The following PDPN variants were observed in gnomAD, a reference collection of about 807,000 sequenced individuals.
PDPN encodes the protein podoplanin, also known as PA2.26 antigen.
Under a neutral mutation model 23.2 loss-of-function variants are expected in PDPN, and 12 were observed. The observed-to-expected ratio is 0.52, with a 90% CI of 0.33 to 0.84. The LOEUF is 0.84. PDPN is among the 40% of genes least tolerant of loss of function. The pLI is 0.02. For missense variants in PDPN, 199 were observed against 212.2 expected, an observed-to-expected ratio of 0.94 and a Z score of 0.39; for synonymous variants, 77 against 76.7, an observed-to-expected ratio of 1.00 and a Z score of -0.02.
intron 3 of PDPN, 52 bp from the exon 4 acceptor site, chr1:13,613,635 T>C (rs543746016): frequency 2.3e-6 from 2 of 886,718 alleles, no homozygotes; most frequent in Non-Finnish European, 3.7e-6. Context: ...GTTGTTAAAT[T>C]ATAGTTATTA....
intron 1 of PDPN, among the ~76,000 whole-genome samples, chr1:13,586,098 G>A (rs536380044): frequency 2.7e-4 from 41 of 152,106 alleles, no homozygotes; most frequent in Admixed American, 7.2e-4. Flanking sequence ...CTTTCATCAG[G>A]AAGGCACGTT....
At position 13,617,910 on chromosome 1, in the gene PDPN, C is replaced by G. The variant is rs981022226; in HGVS notation, c.*1999C>G. On this transcript the variant is annotated 3_prime_UTR_variant, in exon 6 of 6. Transcript: ENST00000621990. ...TCTTGGTCACACCTGTGTTGGTGCT[C>G]AATGCAGTGTAGACATGTTTTCAAA... 2.0e-5 allele frequency: 3 copies of G among 152,076 alleles called. No individual in the cohort carries two copies. Among genetic ancestry groups the G allele is most frequent in the Admixed American group, 2.0e-4 (3 of 15,268 alleles). 9.4% of individuals were successfully genotyped at this position (152,076 alleles called of 1,614,324 possible). A position where few individuals can be genotyped will look rare whatever the true frequency, so the allele number is the denominator to read the frequency against.
chr1:13,588,611 CATATATA>C (rs905957287), intron 1 of PDPN, among the ~76,000 whole-genome samples: 8 of 146,242 alleles, frequency 5.5e-5, no homozygotes, highest in South Asian at 2.1e-4. Flanking sequence ...TATATATTTA[CATATATA>C]ATATATAATA....
intron 1 of PDPN, among the ~76,000 whole-genome samples, chr1:13,586,673 A>G (rs1640186758): frequency 6.6e-6 from 1 of 151,774 alleles, no homozygotes; most frequent in South Asian, 2.1e-4. Context: ...TGTAAATTAC[A>G]TACTCTTATC....
rs757758196 is a variant in PDPN at position 13,610,351 on chromosome 1, T to C, written c.202-36T>C. The C allele has an allele frequency of 4.3e-5, 69 of 1,594,334 alleles. 1 individual carries two copies. The South Asian group carries it at 7.7e-4, about 18-fold the overall frequency. On this transcript the variant is annotated intron_variant, in intron 2 of 5. Transcript: ENST00000621990. ...GGATATATTTTAAAGACAGTAGGCT[T>C]TATTTCCTGTTTTTCCTCATTTACA...
At chr1:13,613,861 G>C in intron 4 of PDPN, 136 bp downstream of exon 4, 1 of 290,026 alleles carries the variant, frequency 3.4e-6, no homozygotes. Flanking sequence ...TCCGAGAACA[G>C]ATTTCAAGCT....
chr1:13,583,905 C>A lies in PDPN; in HGVS notation c.-129C>A. 1 of 1,611,868 alleles carries A rather than the reference C, an allele frequency of 6.2e-7. No homozygotes were observed. The highest frequency in any genetic ancestry group is 8.5e-7 in the Non-Finnish European group (1 of 1,178,818). ...ACCCTCCCTCTCCGGGGCTCCTGCT[C>A]CCACCCCTCCGGCCCCCCCACCGTC... is the stretch of plus-strand genomic sequence containing the variant. On this transcript the variant is annotated 5_prime_UTR_variant, in exon 1 of 6. Coordinates refer to ENST00000621990, the MANE Select transcript of PDPN (RefSeq NM_006474.5).
rs1570069401 is a variant in PDPN, at chr1:13,616,810, A to C, written c.*899A>C. 1 of 152,376 alleles carries C rather than the reference A, an allele frequency of 6.6e-6. No individual in the cohort carries two copies. The highest frequency in any genetic ancestry group is 2.4e-5 in the African/African-American group (1 of 41,570). 9.4% of individuals were successfully genotyped at this position (152,376 alleles called of 1,614,324 possible). On this transcript the variant is annotated 3_prime_UTR_variant, in exon 6 of 6. Transcript: ENST00000621990. ...TGCCGAGGAAGCTGCTGGATGCTTA[A>C]TGGTGCTAGAGGCTCAAGTGTGTTT...
intron 1 of PDPN, among the ~76,000 whole-genome samples, chr1:13,585,266 TC>T (rs1640144455): frequency 6.6e-6 from 1 of 152,186 alleles, no homozygotes; most frequent in South Asian, 2.1e-4. Context: ...TAACCTGGCC[TC>T]CTACAATGGT....
chr1:13,597,089 T>C (rs946222306), intron 1 of PDPN, among the ~76,000 whole-genome samples: 7 of 152,200 alleles, frequency 4.6e-5, no homozygotes, highest in Admixed American at 3.9e-4. Flanking sequence ...TGTTTTCAAA[T>C]AGACATTTTA....
chr1:13,591,463 C>T (rs1412206239), intron 1 of PDPN, among the ~76,000 whole-genome samples: 2 of 152,280 alleles, frequency 1.3e-5, no homozygotes, highest in East Asian at 1.9e-4. Context: ...AGAACATTTT[C>T]ATCACGCCCC....
chr1:13,614,671 C>T (rs975120831), intron 5 of PDPN, among the ~76,000 whole-genome samples: 2 of 152,150 alleles, frequency 1.3e-5, no homozygotes, highest in African/African-American at 4.8e-5. Context: ...CCTGGAATCC[C>T]AGTGCTTTGA....
intron 1 of PDPN, 118 bp downstream of exon 1, chr1:13,584,218 GGTGTGTGCGTGTCAGGCGGCT>G: frequency 6.6e-7 from 1 of 1,520,094 alleles, no homozygotes; most frequent in Non-Finnish European, 8.8e-7. Flanking sequence ...GGGAGCTGAG[GGTGTGTGCGTGTCAGGCGGCT>G]GAGCGCCGGA....
rs151288376 is a variant in PDPN, at chr1:13,616,788, C to T, written c.*877C>T. Reference sequence around the variant, plus strand: ...AATATGGATATCTCAGCCTGGATGCCGAGGAAGCTGCTGGATGCTTAATGG... The same window carrying T: ...AATATGGATATCTCAGCCTGGATGCTGAGGAAGCTGCTGGATGCTTAATGG... On this transcript the variant is annotated 3_prime_UTR_variant, in exon 6 of 6. Coordinates refer to ENST00000621990, the MANE Select transcript of PDPN (RefSeq NM_006474.5). 1.2e-3 allele frequency: 182 copies of T among 152,302 alleles called. 2 individuals are homozygous for T. Among genetic ancestry groups the T allele is most frequent in the African/African-American group, 4.1e-3 (172 of 41,532 alleles). The allele number at this position is 152,302 out of a possible 1,614,324, so 9.4% of individuals were successfully genotyped here. A position where few individuals can be genotyped will look rare whatever the true frequency, so the allele number is the denominator to read the frequency against.
intron 1 of PDPN, among the ~76,000 whole-genome samples, chr1:13,603,033 TAA>T (rs1366293286): frequency 2.7e-5 from 4 of 146,916 alleles, no homozygotes; most frequent in African/African-American, 7.6e-5. Flanking sequence ...TATATATATA[TAA>T]AAATAAAATG....
intron 1 of PDPN, among the ~76,000 whole-genome samples, chr1:13,591,549 C>T (rs1440697925): frequency 6.6e-6 from 1 of 152,138 alleles, no homozygotes; most frequent in Non-Finnish European, 1.5e-5. Flanking sequence ...CATCGATCTA[C>T]TTTCTGTCTC....
chr1:13,606,072 C>T (rs1445340724), intron 1 of PDPN, among the ~76,000 whole-genome samples: 1 of 151,916 alleles, frequency 6.6e-6, no homozygotes, highest in Non-Finnish European at 1.5e-5. Context: ...TTACTGTAAC[C>T]CCTGCTTCCT....
intron 1 of PDPN, among the ~76,000 whole-genome samples, chr1:13,591,346 A>C (rs1214738943): frequency 1.3e-5 from 2 of 152,210 alleles, no homozygotes; most frequent in Non-Finnish European, 2.9e-5. Flanking sequence ...CACACGTTTA[A>C]ATTGATATGT....
chr1:13,588,683 A>G (rs1408290334), intron 1 of PDPN, among the ~76,000 whole-genome samples: 1 of 147,582 alleles, frequency 6.8e-6, no homozygotes, highest in African/African-American at 2.5e-5. Flanking sequence ...TATATATAAT[A>G]TATGTATTTT....
Sources: gnomAD v4.1 joint callset for allele counts (sites outside exome capture counted in the v4.1 genomes callset) on GRCh38, gnomAD v4.1.1 for gene constraint, MANE v1.5 for transcripts, NCBI Gene and HGNC (gene_info 2026-07-23, HGNC 2026-07-21) for gene names.